Variants in BIRC2 observed in about 807,000 individuals in gnomAD.
BIRC2 encodes baculoviral IAP repeat containing 2.
A neutral mutation model predicts 60.9 loss-of-function variants in BIRC2; 18 were observed. The ratio of observed to expected loss-of-function variants is 0.30; its 90% CI spans 0.20 to 0.44. BIRC2 has a LOEUF of 0.44. Ranked by LOEUF, BIRC2 falls within the 20% of genes least tolerant of loss-of-function variation. The pLI is 1.00. For synonymous variants in BIRC2, 282 were observed against 247.7 expected, an observed-to-expected ratio of 1.14 and a Z score of -1.30; for missense variants, 701 against 728.5, an observed-to-expected ratio of 0.96 and a Z score of 0.43.
At chr11:102,377,787 G>C in intron 7 of BIRC2, 37 bp downstream of exon 7, 1 of 1,595,870 alleles carries the variant, frequency 6.3e-7, no homozygotes, top group South Asian at 1.2e-5. Context: ...GAAATTCTTA[G>C]GACTGGCCAG....
At chr11:102,353,847 T>C (rs1199365042) in intron 3 of BIRC2, among the ~76,000 whole-genome samples, 1 of 152,114 alleles carries the variant, frequency 6.6e-6, no homozygotes, top group Non-Finnish European at 1.5e-5. Context: ...CCTACCCCCT[T>C]ATCCCTGGCA....
At position 102,350,083 on chromosome 11, in the gene BIRC2, G is replaced by T. The variant is rs373468213; in HGVS notation, c.229G>T (p.Val77Leu). The change falls in exon 2 of 9, where the codon GTG becomes TTG. Residue 77 changes from valine to leucine, a missense_variant. Transcript: ENST00000227758. Reference sequence around the variant, plus strand: ...TCGTGCTGGTTTTTATTATACTGGTGTGAATGACAAGGTCAAATGCTTCTG... The same window carrying T: ...TCGTGCTGGTTTTTATTATACTGGTTTGAATGACAAGGTCAAATGCTTCTG... Reference protein sequence around the residue: ...LARAGFYYTGVNDKVKCFCCG... With the variant: ...LARAGFYYTGLNDKVKCFCCG... The T allele has an allele frequency of 9.3e-6, 15 of 1,614,056 alleles. No homozygotes were observed. The East Asian group carries it at 2.7e-4, about 29-fold the overall frequency.
chr11:102,364,172 T>TATACATAC (rs1271885648), intron 5 of BIRC2, among the ~76,000 whole-genome samples: 1 of 89,706 alleles, frequency 1.1e-5, no homozygotes, highest in Admixed American at 1.1e-4. Context: ...TATATATATA[T>TATACATAC]ATACACACAC....
intron 6 of BIRC2, among the ~76,000 whole-genome samples, chr11:102,369,082 G>A (rs936808863): frequency 6.6e-6 from 1 of 151,876 alleles, no homozygotes; most frequent in African/African-American, 2.4e-5. Context: ...TATTCGTCCA[G>A]ATAGTATTAA....
chr11:102,368,170 T>C (rs536369049), intron 5 of BIRC2, 136 bp from the exon 6 acceptor site: 12 of 969,090 alleles, frequency 1.2e-5, no homozygotes, highest in South Asian at 6.6e-5. Context: ...ATTGGAGTTA[T>C]AGGTAATCGA....
chr11:102,349,412 G>A lies in BIRC2; in HGVS notation c.-443G>A, dbSNP rs2135801836. On this transcript the variant is annotated 5_prime_UTR_variant, in exon 2 of 9. Transcript: ENST00000227758. The stretch of plus-strand genomic sequence containing the variant: ...CCTGCATATAATTTTTTACCTTGTG[G>A]CATAATCAGTAATTGGTCTGTTATT... The A allele has an allele frequency of 6.5e-6, 1 of 153,162 alleles. No homozygotes were observed. The allele number at this position is 153,162 out of a possible 1,614,324, so 9.5% of individuals were successfully genotyped here.
chr11:102,360,884 C>T (rs558846592), intron 3 of BIRC2, among the ~76,000 whole-genome samples: 43 of 151,762 alleles, frequency 2.8e-4, no homozygotes, highest in African/African-American at 1.0e-3. Flanking sequence ...GAAGGCCCAG[C>T]ATTGTGAACT....
At chr11:102,361,751 C>G (rs1404400697) in intron 3 of BIRC2, among the ~76,000 whole-genome samples, 3 of 152,018 alleles carry the variant, frequency 2.0e-5, no homozygotes, top group African/African-American at 4.8e-5. Flanking sequence ...ATGACTGATA[C>G]AGGTAGCCCT....
intron 3 of BIRC2, among the ~76,000 whole-genome samples, chr11:102,361,195 A>G (rs1475069394): frequency 6.6e-6 from 1 of 152,168 alleles, no homozygotes; most frequent in Non-Finnish European, 1.5e-5. Flanking sequence ...AAGTGTTTGC[A>G]GAAAGACAGC....
chr11:102,362,133 A>G (rs1951491402), intron 3 of BIRC2, among the ~76,000 whole-genome samples: 1 of 152,196 alleles, frequency 6.6e-6, no homozygotes, highest in African/African-American at 2.4e-5. Context: ...TCTTTACCCA[A>G]TGTAAAGACA....
intron 5 of BIRC2, among the ~76,000 whole-genome samples, chr11:102,367,648 G>A (rs1462717244): frequency 6.6e-6 from 1 of 152,170 alleles, no homozygotes; most frequent in Non-Finnish European, 1.5e-5. Flanking sequence ...TATCTAAAAT[G>A]ACTTCCTGCT....
intron 3 of BIRC2, 117 bp from the exon 4 acceptor site, chr11:102,362,779 C>T (rs995452661): frequency 2.9e-5 from 20 of 696,696 alleles, no homozygotes; most frequent in South Asian, 1.1e-4. Flanking sequence ...TGGGTTGTGA[C>T]GTAAAATGTT....
intron 5 of BIRC2, among the ~76,000 whole-genome samples, chr11:102,367,538 G>A (rs1212725440): frequency 2.0e-5 from 3 of 152,126 alleles, no homozygotes; most frequent in Non-Finnish European, 2.9e-5. Flanking sequence ...CCAGAAGATG[G>A]CAGTAGTGTC....
In BIRC2 at chr11:102,348,682, A is replaced by G; in HGVS notation, c.-1173A>G. 1 of 383,026 alleles carries G rather than the reference A, an allele frequency of 2.6e-6. No individual in the cohort carries two copies. The highest frequency in any genetic ancestry group is 3.5e-5 in the Admixed American group (1 of 28,922). 23.7% of individuals were successfully genotyped at this position (383,026 alleles called of 1,614,324 possible). ...ATTATGGAGATCTCGAAACTTTATA[A>G]AGGGATATAGTTTGAATTCTATGGA... On this transcript the variant is annotated 5_prime_UTR_variant, in exon 2 of 9. Coordinates refer to ENST00000227758, the MANE Select transcript of BIRC2 (RefSeq NM_001166.5).
chr11:102,376,903 C>G (rs141760506), intron 6 of BIRC2, among the ~76,000 whole-genome samples: 77 of 152,148 alleles, frequency 5.1e-4, no homozygotes, highest in African/African-American at 1.8e-3. Flanking sequence ...GTGAGTGGGC[C>G]TAGCCAACAC....
Position 102,349,937 on chromosome 11 carries a change from T to C in BIRC2, c.83T>C (p.Leu28Ser), listed in dbSNP as rs750592727. Residue 28 changes from leucine (L) to serine (S), a missense_variant, in exon 2 of 9, where the codon TTG becomes TCG. Physicochemically the swap from Leu to Ser is moderately radical, Grantham distance 145. This residue lies in a region of BIRC2 where 375 missense variants were observed against 365.9 expected (regional missense o/e 1.02). Coordinates refer to ENST00000227758, the MANE Select transcript of BIRC2 (RefSeq NM_001166.5). ...AGTATAATGGAAGATAGCACGATCT[T>C]GTCAGATTGGACAAACAGCAACAAA... ...IKSIMEDSTI[L>S]SDWTNSNKQK... 1.9e-6 allele frequency: 3 copies of C among 1,614,086 alleles called. No individual in the cohort carries two copies. Among genetic ancestry groups the C allele is most frequent in the South Asian group, 2.2e-5 (2 of 91,090 alleles).
rs558860831 is a variant in BIRC2 at position 102,368,342 on chromosome 11, A to T, written c.1160A>T (p.Asp387Val). 583 of 1,613,890 alleles carry T rather than the reference A, an allele frequency of 3.6e-4. 8 individuals carry two copies. In the South Asian group the frequency reaches 6.3e-3, roughly 17 times the overall value. ...GGACCTGGAGAAAGTTCTTCAGAAG[A>T]TGCTGTCATGATGAATACACCTGTG... The part of the protein sequence containing the change: ...HFGPGESSSE[D>V]AVMMNTPVVK... The change falls in exon 6 of 9, where the codon GAT becomes GTT. Residue 387 changes from aspartate to valine, a missense_variant. Asp to Val is a radical substitution (Grantham distance 152). Transcript: ENST00000227758.
intron 6 of BIRC2, among the ~76,000 whole-genome samples, chr11:102,369,543 T>C (rs1212466944): frequency 3.4e-4 from 51 of 148,970 alleles, no homozygotes; most frequent in African/African-American, 1.1e-3. Context: ...ATGTGCCACA[T>C]TTTCTTAATC....
intron 3 of BIRC2, among the ~76,000 whole-genome samples, chr11:102,354,313 G>T (rs954962514): frequency 4.6e-5 from 7 of 152,124 alleles, no homozygotes; most frequent in African/African-American, 1.7e-4. Context: ...GGCTTCAAGC[G>T]ATTCTCCTGC....
Sources: gnomAD v4.1 joint callset for allele counts (sites outside exome capture counted in the v4.1 genomes callset) on GRCh38, gnomAD v4.1.1 for gene constraint, gnomAD v4.1.1 regional missense constraint, MANE v1.5 for transcripts, NCBI Gene and HGNC (gene_info 2026-07-23, HGNC 2026-07-21) for gene names.